The following VWC2 variants were observed in gnomAD, a reference collection of about 807,000 sequenced individuals.
VWC2 encodes the protein brorin.
VWC2 carries 14 observed loss-of-function variants against 29.8 expected under a neutral mutation model. The ratio of observed to expected loss-of-function variants is 0.47; its 90% CI spans 0.31 to 0.74. The LOEUF (loss-of-function observed/expected upper bound fraction) is 0.74. VWC2 is among the 30% of genes least tolerant of loss of function. The pLI is 0.05. For synonymous variants in VWC2, 213 were observed against 199.0 expected (o/e 1.07, Z -0.59); for missense variants, 457 against 459.8 (o/e 0.99, Z 0.05).
chr7:49,820,911 CA>C (rs1228701616), intron 3 of VWC2, among the ~76,000 whole-genome samples: 1 of 152,088 alleles, frequency 6.6e-6, no homozygotes, highest in Non-Finnish European at 1.5e-5. Flanking sequence ...GCTGGCGGGA[CA>C]AGAGTTCTAT....
intron 3 of VWC2, among the ~76,000 whole-genome samples, chr7:49,887,344 T>C (rs1031093816): frequency 6.6e-6 from 1 of 152,244 alleles, no homozygotes; most frequent in African/African-American, 2.4e-5. Context: ...ATTTGTTTTA[T>C]GTTTGCCTCC....
Position 49,888,738 on chromosome 7 carries a change from C to T in VWC2, c.827-23296C>T, listed in dbSNP as rs140794071. On this transcript the variant is annotated intron_variant, in intron 3 of 3. Transcript: ENST00000340652. ...TTAGCCTGGCCAACATGGTAAAACC[C>T]CGTTTCTACTAAAAATACAAAAATT... Among the ~76,000 whole-genome samples, 1,039 of 152,212 alleles carry T rather than the reference C, an allele frequency of 6.8e-3. 8 individuals are homozygous for T. Among genetic ancestry groups the T allele is most frequent in the Middle Eastern group, 0.027 (8 of 294 alleles).
intron 3 of VWC2, among the ~76,000 whole-genome samples, chr7:49,808,856 T>C (rs1026323464): frequency 3.9e-5 from 6 of 152,020 alleles, no homozygotes; most frequent in African/African-American, 1.4e-4. Flanking sequence ...CAGAATGCAC[T>C]ATAGATTATT....
At chr7:49,831,398 G>A (rs1012853236) in intron 3 of VWC2, among the ~76,000 whole-genome samples, 2 of 152,194 alleles carry the variant, frequency 1.3e-5, no homozygotes, top group Admixed American at 6.5e-5. Context: ...ATTCAGGAAT[G>A]CTGTAACAAA....
At chr7:49,777,390 C>G (rs975963708) in intron 2 of VWC2, among the ~76,000 whole-genome samples, 13 of 152,256 alleles carry the variant, frequency 8.5e-5, no homozygotes, top group Admixed American at 4.6e-4. Flanking sequence ...AAGGACAGAT[C>G]TATATATAGT....
chr7:49,893,652 C>A (rs1187268487), intron 3 of VWC2, among the ~76,000 whole-genome samples: 1 of 134,960 alleles, frequency 7.4e-6, no homozygotes. Context: ...TTTTTTTTAT[C>A]CTTTTGAGAC....
At chr7:49,860,401 G>T (rs996742871) in intron 3 of VWC2, among the ~76,000 whole-genome samples, 2 of 152,102 alleles carry the variant, frequency 1.3e-5, no homozygotes, top group African/African-American at 4.8e-5. Flanking sequence ...TGTTTTCAAG[G>T]TTCATCCAAC....
intron 2 of VWC2, among the ~76,000 whole-genome samples, chr7:49,786,252 G>T (rs1788294585): frequency 6.6e-6 from 1 of 152,188 alleles, no homozygotes; most frequent in Non-Finnish European, 1.5e-5. Context: ...TTCTGTTCCT[G>T]CATTAATTCA....
Position 49,806,759 on chromosome 7 carries a change from T to G in VWC2, c.826+3919T>G, listed in dbSNP as rs114998448. On this transcript the variant is annotated intron_variant, in intron 3 of 3. Coordinates refer to ENST00000340652, the MANE Select transcript of VWC2 (RefSeq NM_198570.5). The stretch of plus-strand genomic sequence containing the variant: ...GTTTGTGTGTGTGTGTGCGTGTGTG[T>G]GTGGTCATATCAAGATCCTCTCACA... Among the ~76,000 whole-genome samples, 1,414 of 152,134 alleles carry G rather than the reference T, an allele frequency of 9.3e-3. 31 individuals are homozygous for G. The highest frequency in any genetic ancestry group is 0.033 in the African/African-American group (1,359 of 41,498).
chr7:49,874,846 A>T (rs1236900963), intron 3 of VWC2, among the ~76,000 whole-genome samples: 2 of 143,430 alleles, frequency 1.4e-5, no homozygotes, highest in Non-Finnish European at 3.1e-5. Context: ...CTCTTCCCTA[A>T]TTCAGAATTC....
intron 3 of VWC2, among the ~76,000 whole-genome samples, chr7:49,858,632 C>A (rs1790524144): frequency 6.6e-6 from 1 of 151,412 alleles, no homozygotes; most frequent in Non-Finnish European, 1.5e-5. Flanking sequence ...TGCAGCACAC[C>A]AACACGGCAC....
chr7:49,881,367 G>T (rs1236671075), intron 3 of VWC2, among the ~76,000 whole-genome samples: 6 of 152,122 alleles, frequency 3.9e-5, no homozygotes, highest in Admixed American at 3.3e-4. Context: ...CAAAAAAACA[G>T]CACTGAAATT....
intron 1 of VWC2, 144 bp from the exon 2 acceptor site, chr7:49,775,189 C>G (rs1256001320): frequency 4.0e-6 from 1 of 249,546 alleles, no homozygotes; most frequent in Non-Finnish European, 7.5e-6. Flanking sequence ...GAACCCCGGC[C>G]GTGCACCGAC....
chr7:49,839,612 A>T (rs1248022970), intron 3 of VWC2, among the ~76,000 whole-genome samples: 1 of 152,172 alleles, frequency 6.6e-6, no homozygotes, highest in Non-Finnish European at 1.5e-5. Flanking sequence ...GAGCCAAAAA[A>T]AAAAAAGAGG....
chr7:49,874,180 CCACACA>C (rs139144140), intron 3 of VWC2, among the ~76,000 whole-genome samples: 1 of 149,532 alleles, frequency 6.7e-6, no homozygotes, highest in Non-Finnish European at 1.5e-5. Context: ...ATGCACACAC[CCACACA>C]CACACACACA....
intron 2 of VWC2, among the ~76,000 whole-genome samples, chr7:49,799,164 T>A (rs1428421826): frequency 6.6e-6 from 1 of 152,172 alleles, no homozygotes; most frequent in Non-Finnish European, 1.5e-5. Context: ...GGCCCAACAC[T>A]GGCAAGTGGC....
At chr7:49,774,665 A>G (rs1056172108) in intron 1 of VWC2, among the ~76,000 whole-genome samples, 1 of 151,960 alleles carries the variant, frequency 6.6e-6, no homozygotes, top group Non-Finnish European at 1.5e-5. Flanking sequence ...CCGGCAGAGG[A>G]GCTGAAGCCC....
At chr7:49,880,708 G>A (rs1281519490) in intron 3 of VWC2, among the ~76,000 whole-genome samples, 1 of 152,044 alleles carries the variant, frequency 6.6e-6, no homozygotes, top group Non-Finnish European at 1.5e-5. Flanking sequence ...GGAAGGGATA[G>A]CATTAGGAGA....
chr7:49,873,462 C>T (rs1194951910), intron 3 of VWC2, among the ~76,000 whole-genome samples: 2 of 152,152 alleles, frequency 1.3e-5, no homozygotes, highest in African/African-American at 4.8e-5. Context: ...CTCCTGATAC[C>T]ATCACCTAGG....
Sources: gnomAD v4.1 joint callset for allele counts (sites outside exome capture counted in the v4.1 genomes callset) on GRCh38, gnomAD v4.1.1 for gene constraint, MANE v1.5 for transcripts, NCBI Gene and HGNC (gene_info 2026-07-23, HGNC 2026-07-21) for gene names.